PPARGC1A: variants seen among roughly 807,000 people sequenced by gnomAD.
PPARGC1A encodes the protein peroxisome proliferator-activated receptor gamma coactivator 1-alpha.
PPARGC1A carries 25 observed loss-of-function variants against 88.7 expected under a neutral mutation model. That is an observed-to-expected ratio of 0.28 (90% confidence interval 0.21 to 0.39). The LOEUF is 0.39. Ranked by LOEUF, PPARGC1A falls within the 10% of genes least tolerant of loss-of-function variation. The probability of loss-of-function intolerance (pLI) is 1.00; values close to 1 mark genes in which losing one functional copy is unlikely to be tolerated. For missense variants in PPARGC1A, 880 were observed against 968.7 expected (o/e 0.91, Z 1.22); for synonymous variants, 363 against 355.6 (o/e 1.02, Z -0.24).
chr4:24,352,991 G>A, the PPARGC1A span, among the ~76,000 whole-genome samples: 1 of 152,152 alleles, frequency 6.6e-6, no homozygotes, highest in Non-Finnish European at 1.5e-5. Flanking sequence ...GGAGGGGGCT[G>A]GAGTTCGTTA....
the PPARGC1A span, among the ~76,000 whole-genome samples, chr4:24,355,163 G>A: frequency 2.0e-4 from 30 of 152,058 alleles, no homozygotes; most frequent in Non-Finnish European, 3.8e-4. Flanking sequence ...CAGAATTCAC[G>A]ACTGATGGAG....
chr4:23,836,266 GA>G (rs1725990930), intron 2 of PPARGC1A, among the ~76,000 whole-genome samples: 1 of 152,166 alleles, frequency 6.6e-6, no homozygotes, highest in Admixed American at 6.5e-5. Context: ...GAGGCGGAAG[GA>G]AAGGTAGAAA....
the PPARGC1A span, among the ~76,000 whole-genome samples, chr4:24,136,503 C>T: frequency 5.9e-5 from 9 of 152,244 alleles, no homozygotes; most frequent in South Asian, 2.1e-4. Context: ...ACAAGAATAG[C>T]GCTTGGAAAT....
the PPARGC1A span, among the ~76,000 whole-genome samples, chr4:24,004,576 C>T: frequency 6.6e-6 from 1 of 152,160 alleles, no homozygotes; most frequent in Non-Finnish European, 1.5e-5. Context: ...TCTAAGGTGG[C>T]TGCTGATGAT....
At chr4:23,847,666 A>T (rs1728555428) in intron 2 of PPARGC1A, among the ~76,000 whole-genome samples, 1 of 152,206 alleles carries the variant, frequency 6.6e-6, no homozygotes, top group Non-Finnish European at 1.5e-5. Flanking sequence ...CCATTAAAAC[A>T]ATTATATAGG....
the PPARGC1A span, among the ~76,000 whole-genome samples, chr4:24,272,372 G>T: frequency 6.6e-6 from 1 of 152,018 alleles, no homozygotes; most frequent in Admixed American, 6.6e-5. Flanking sequence ...TACCCATAAT[G>T]CCAGAGAACC....
At chr4:24,137,641 C>A in the PPARGC1A span, among the ~76,000 whole-genome samples, 1 of 152,148 alleles carries the variant, frequency 6.6e-6, no homozygotes, top group Non-Finnish European at 1.5e-5. Flanking sequence ...CTGGTCCATA[C>A]TGCCCCCCAC....
rs138055487 is a variant in PPARGC1A, at chr4:23,795,291, T to TTATATATATATA, written c.*519_*530dup. 1 of 26,634 alleles carries TTATATATATATA rather than the reference T, an allele frequency of 3.8e-5. No individual in the cohort carries two copies. The highest frequency in any genetic ancestry group is 4.7e-4 in the Admixed American group (1 of 2,122). 1.6% of individuals were successfully genotyped at this position (26,634 alleles called of 1,614,324 possible). ...TTGTTAGTTTTCTTTCCTTTTTAAT[T>TTATATATATATA]TATATATATATATATATATATATAT... On this transcript the variant is annotated 3_prime_UTR_variant, in exon 13 of 13. Coordinates refer to ENST00000264867, the MANE Select transcript of PPARGC1A (RefSeq NM_013261.5).
upstream of PPARGC1A, among the ~76,000 whole-genome samples, chr4:23,908,209 G>A (rs1720300885): frequency 1.3e-5 from 2 of 152,132 alleles, no homozygotes; most frequent in Non-Finnish European, 2.9e-5. Context: ...TGCCTCTTTA[G>A]GTATTTATAA....
chr4:24,415,911 C>A, the PPARGC1A span, among the ~76,000 whole-genome samples: 40,533 of 151,938 alleles, frequency 0.27, 5,803 homozygotes, highest in Non-Finnish European at 0.31. Flanking sequence ...AAGATACAAG[C>A]TCCTACCCAT....
At chr4:24,059,119 C>T in the PPARGC1A span, among the ~76,000 whole-genome samples, 1 of 152,074 alleles carries the variant, frequency 6.6e-6, no homozygotes, top group Non-Finnish European at 1.5e-5. Context: ...CGACCAAGCC[C>T]CACCACTTTA....
chr4:24,441,526 T>C, the PPARGC1A span, among the ~76,000 whole-genome samples: 1 of 152,148 alleles, frequency 6.6e-6, no homozygotes, highest in African/African-American at 2.4e-5. Flanking sequence ...GGAACAAAAT[T>C]CATTCCTGAG....
the PPARGC1A span, among the ~76,000 whole-genome samples, chr4:23,946,549 T>C: frequency 1.1e-5 from 1 of 92,630 alleles, no homozygotes; most frequent in East Asian, 3.0e-4. Flanking sequence ...TCTTTCCTAC[T>C]CTGGTGTGCC....
intron 2 of PPARGC1A, among the ~76,000 whole-genome samples, chr4:23,870,848 C>T (rs1713164630): frequency 6.6e-6 from 1 of 151,664 alleles, no homozygotes; most frequent in Non-Finnish European, 1.5e-5. Context: ...TGCGTACTAT[C>T]TATGGAACAT....
At chr4:24,472,454 C>G in the PPARGC1A span, among the ~76,000 whole-genome samples, 2 of 152,124 alleles carry the variant, frequency 1.3e-5, no homozygotes, top group Non-Finnish European at 2.9e-5. This position sits in a 1 kb window ranked among gnomAD's most constrained non-coding sequence, Gnocchi z 4.5. Flanking sequence ...CAGCCCGCAG[C>G]CCGCCATGCT....
chr4:24,190,971 A>G, the PPARGC1A span, among the ~76,000 whole-genome samples: 1 of 152,190 alleles, frequency 6.6e-6, no homozygotes, highest in South Asian at 2.1e-4. Flanking sequence ...CCTCTTCCAT[A>G]AAATAGGGCA....
At chr4:23,810,097 C>A (rs887071454) in intron 10 of PPARGC1A, among the ~76,000 whole-genome samples, 4 of 152,262 alleles carry the variant, frequency 2.6e-5, no homozygotes, top group South Asian at 4.1e-4. Flanking sequence ...TATGAGCTTT[C>A]ACTCATGTTC....
the PPARGC1A span, among the ~76,000 whole-genome samples, chr4:24,163,439 T>C: frequency 6.6e-6 from 1 of 152,062 alleles, no homozygotes; most frequent in Non-Finnish European, 1.5e-5. Context: ...ACTTTTGTGG[T>C]ATAATAGAGC....
the PPARGC1A span, among the ~76,000 whole-genome samples, chr4:24,189,158 G>T: frequency 7.9e-5 from 12 of 152,038 alleles, no homozygotes; most frequent in African/African-American, 2.9e-4. Flanking sequence ...CAGGGAGTGG[G>T]AAATGAAAAA....
Sources: allele counts gnomAD v4.1 joint callset (sites outside exome capture counted in the v4.1 genomes callset), GRCh38; gene constraint gnomAD v4.1.1; non-coding constraint Gnocchi (gnomAD v3.1); transcripts MANE v1.5; gene names NCBI Gene and HGNC (gene_info 2026-07-23, HGNC 2026-07-21).